Variants in COQ10B observed in about 807,000 individuals in gnomAD.
COQ10B encodes the protein coenzyme Q10B, also known as coenzyme Q-binding protein COQ10 homolog B, mitochondrial.
In COQ10B, 12 loss-of-function variants were observed where a neutral mutation model predicts 27.6. That is an observed-to-expected ratio of 0.43 (90% CI 0.28 to 0.70). The LOEUF is 0.70. Ranked by LOEUF, COQ10B falls within the 30% of genes least tolerant of loss-of-function variation. The probability of loss-of-function intolerance (pLI) is 0.17; values close to 1 mark genes in which losing one functional copy is unlikely to be tolerated. For missense variants in COQ10B, 278 were observed against 288.7 expected (o/e 0.96, Z 0.27); for synonymous variants, 115 against 103.0 (o/e 1.12, Z -0.71).
chr2:197,458,116 C>CTTTTTT (rs140427468), intron 1 of COQ10B, among the ~76,000 whole-genome samples: 5 of 143,698 alleles, frequency 3.5e-5, no homozygotes, highest in Non-Finnish European at 6.1e-5. Flanking sequence ...TTTTCTTTTT[C>CTTTTTT]TTTTTTTTTT....
intron 3 of COQ10B, among the ~76,000 whole-genome samples, chr2:197,467,135 C>T (rs1206535885): frequency 2.0e-5 from 3 of 151,606 alleles, no homozygotes; most frequent in African/African-American, 4.8e-5. Flanking sequence ...TTAGTAGAAA[C>T]GAGGTTTCAC....
intron 3 of COQ10B, among the ~76,000 whole-genome samples, chr2:197,465,987 G>A (rs111753222): frequency 0.033 from 5,000 of 152,228 alleles, 258 homozygotes; most frequent in African/African-American, 0.11. Flanking sequence ...AGCTACTCGG[G>A]AGGCTGAGGC....
chr2:197,455,226 A>G (rs944709817), intron 1 of COQ10B, among the ~76,000 whole-genome samples: 4 of 152,044 alleles, frequency 2.6e-5, no homozygotes, highest in African/African-American at 9.7e-5. Flanking sequence ...AGTCAACCAG[A>G]TACCCAATTC....
intron 1 of COQ10B, 43 bp from the exon 2 acceptor site, chr2:197,459,889 A>G (rs1432518446): frequency 6.8e-7 from 1 of 1,475,458 alleles, no homozygotes; most frequent in South Asian, 1.3e-5. Context: ...CTTCCTTTTA[A>G]TTTTTACTGT....
chr2:197,455,697 C>T (rs968585735), intron 1 of COQ10B, among the ~76,000 whole-genome samples: 14 of 149,026 alleles, frequency 9.4e-5, no homozygotes, highest in African/African-American at 3.0e-4. Flanking sequence ...CAGTGACTCA[C>T]ACCTGTAATC....
Position 197,453,599 on chromosome 2 carries a change from A to G in COQ10B, c.39A>G (p.Val13=). 1.2e-6 allele frequency: 2 copies of G among 1,614,018 alleles called. No individual in the cohort carries two copies. Among genetic ancestry groups the G allele is most frequent in the Non-Finnish European group, 1.7e-6 (2 of 1,179,996 alleles). Residue 13 remains valine (V), a synonymous_variant, in exon 1 of 5, where the codon GTA becomes GTG. Coordinates refer to ENST00000263960, the MANE Select transcript of COQ10B (RefSeq NM_025147.5). ...ARTGHTALRR[V]VSGCRPKSAT... is the part of the protein sequence containing the mutation. ...CTGGTCATACGGCCTTGAGAAGGGT[A>G]GTCTCGGGATGCCGTCCGAAGTCGG...
intron 3 of COQ10B, among the ~76,000 whole-genome samples, chr2:197,466,505 C>A (rs140672711): frequency 1.1e-4 from 16 of 152,162 alleles, no homozygotes; most frequent in African/African-American, 3.6e-4. Flanking sequence ...GAAGGAGCCC[C>A]TGTCTTTTTC....
intron 1 of COQ10B, among the ~76,000 whole-genome samples, chr2:197,455,958 C>A (rs1008123098): frequency 2.0e-5 from 3 of 151,704 alleles, no homozygotes; most frequent in African/African-American, 7.3e-5. Flanking sequence ...GACCCTGACT[C>A]AAACACAACA....
chr2:197,472,818 A>AAG (rs1553575252), intron 4 of COQ10B, among the ~76,000 whole-genome samples: 38 of 151,390 alleles, frequency 2.5e-4, no homozygotes, highest in African/African-American at 7.5e-4. Context: ...AAAAAAAAAA[A>AAG]AAAGAAAGAT....
intron 2 of COQ10B, among the ~76,000 whole-genome samples, chr2:197,461,241 A>G (rs956943681): frequency 6.6e-6 from 1 of 152,026 alleles, no homozygotes; most frequent in African/African-American, 2.4e-5. Context: ...TGTGCCGTCT[A>G]CTGTAGTCCA....
chr2:197,455,317 C>T (rs1481441962), intron 1 of COQ10B, among the ~76,000 whole-genome samples: 4 of 152,080 alleles, frequency 2.6e-5, no homozygotes, highest in African/African-American at 4.8e-5. Flanking sequence ...ACAGAATCAA[C>T]GTAGGTGTCC....
intron 1 of COQ10B, 85 bp downstream of exon 1, chr2:197,453,749 G>T (rs2085664307): frequency 8.0e-7 from 1 of 1,243,346 alleles, no homozygotes; most frequent in Non-Finnish European, 1.2e-6. Flanking sequence ...TGGGGGTGAG[G>T]CAGAGCCGGA....
At chr2:197,459,799 G>T in intron 1 of COQ10B, 133 bp from the exon 2 acceptor site, 1 of 528,144 alleles carries the variant, frequency 1.9e-6, no homozygotes, top group Non-Finnish European at 3.3e-6. Context: ...GTGCCCGTGT[G>T]TGTGTATTTT....
intron 1 of COQ10B, chr2:197,454,264 TAGGTG>T (rs2085671829): frequency 1.2e-6 from 1 of 845,082 alleles, no homozygotes; most frequent in African/African-American, 1.7e-5. Flanking sequence ...CATTTTTTGG[TAGGTG>T]GGGGTGGAGA....
intron 1 of COQ10B, chr2:197,453,888 G>C: frequency 7.0e-7 from 1 of 1,432,698 alleles, no homozygotes; most frequent in Non-Finnish European, 9.5e-7. Context: ...CGTGAGAGGC[G>C]GTGAATCATC....
In COQ10B at chr2:197,462,661, A is replaced by C. The variant is rs185800553; in HGVS notation, c.377A>C (p.Glu126Ala). 2.5e-6 allele frequency: 4 copies of C among 1,604,928 alleles called. No homozygotes were observed. Among genetic ancestry groups the C allele is most frequent in the Admixed American group, 1.7e-5 (1 of 58,358 alleles). Residue 126 changes from glutamate to alanine, a missense_variant, in exon 3 of 5, where the codon GAA becomes GCA. Transcript: ENST00000263960. ...TCTGGATATTGTAAAACAAGATTAG[A>C]AATTGGATTTCCACCTGTGTTGGAG... Reference protein sequence around the residue: ...KRSGYCKTRLEIGFPPVLERY... With the variant: ...KRSGYCKTRLAIGFPPVLERY...
At chr2:197,463,996 T>TACACACAC (rs1241115366) in intron 3 of COQ10B, among the ~76,000 whole-genome samples, 35 of 32,846 alleles carry the variant, frequency 1.1e-3, no homozygotes, top group East Asian at 3.2e-3. Flanking sequence ...TATATATATA[T>TACACACAC]ACACACACAC....
At position 197,453,636 on chromosome 2, in the gene COQ10B, G is replaced by C; in HGVS notation, c.76G>C (p.Gly26Arg). ...GCRPKSATAA[G>R]AQAPVRNGRY... Reference sequence around the variant, plus strand: ...CCGTCCGAAGTCGGCGACAGCGGCCGGGGCGCAGGCGCCCGTGCGGAATGG... The same window carrying C: ...CCGTCCGAAGTCGGCGACAGCGGCCCGGGCGCAGGCGCCCGTGCGGAATGG... The change falls in exon 1 of 5, where the codon GGG becomes CGG. Residue 26 changes from glycine to arginine, a missense_variant. Gly to Arg is a moderately radical substitution (Grantham distance 125, BLOSUM62 -2). Transcript: ENST00000263960. 8.7e-6 allele frequency: 14 copies of C among 1,614,010 alleles called. No homozygotes were observed. Among genetic ancestry groups the C allele is most frequent in the South Asian group, 1.1e-5 (1 of 91,070 alleles).
Position 197,473,927 on chromosome 2 carries a change from G to C in COQ10B, c.*3G>C, listed in dbSNP as rs757306291. The C allele has an allele frequency of 1.4e-6, 2 of 1,477,420 alleles. No individual in the cohort carries two copies. Among genetic ancestry groups the C allele is most frequent in the East Asian group, 4.9e-5 (2 of 40,704 alleles). 91.5% of individuals were successfully genotyped at this position (1,477,420 alleles called of 1,614,324 possible). ...TTCATGAAGTCCATCACACATAAAG[G>C]CAAAAAAGAACTGGTGCCACCTGCT... On this transcript the variant is annotated 3_prime_UTR_variant, in exon 5 of 5. Coordinates refer to ENST00000263960, the MANE Select transcript of COQ10B (RefSeq NM_025147.5).
Sources: gnomAD v4.1 joint callset for allele counts (sites outside exome capture counted in the v4.1 genomes callset) on GRCh38, gnomAD v4.1.1 for gene constraint, MANE v1.5 for transcripts, NCBI Gene and HGNC (gene_info 2026-07-23, HGNC 2026-07-21) for gene names.